DYTN: variants seen among roughly 807,000 people sequenced by gnomAD.
DYTN encodes dystrotelin.
A neutral mutation model predicts 69.6 loss-of-function variants in DYTN; 75 were observed. The observed-to-expected ratio is 1.08, with a 90% confidence interval of 0.89 to 1.31. DYTN has a LOEUF of 1.31. Ranked by LOEUF, DYTN falls within the 50% of genes most tolerant of loss-of-function variation. DYTN has a pLI of 0.00. For synonymous variants in DYTN, 252 were observed against 249.1 expected (o/e 1.01, Z -0.11); for missense variants, 726 against 688.4 (o/e 1.05, Z -0.61).
At chr2:206,699,307 C>T (rs1181507184) in intron 7 of DYTN, among the ~76,000 whole-genome samples, 1 of 152,118 alleles carries the variant, frequency 6.6e-6, no homozygotes, top group Non-Finnish European at 1.5e-5. Context: ...GTGGCATGTG[C>T]CTGTACCCCC....
At chr2:206,698,274 T>G (rs894030331) in intron 7 of DYTN, among the ~76,000 whole-genome samples, 2 of 152,218 alleles carry the variant, frequency 1.3e-5, no homozygotes, top group East Asian at 3.8e-4. Flanking sequence ...GAAGTTTCAC[T>G]GTGTCCTGCA....
At chr2:206,699,245 G>A (rs1699950962) in intron 7 of DYTN, among the ~76,000 whole-genome samples, 1 of 152,124 alleles carries the variant, frequency 6.6e-6, no homozygotes, top group African/African-American at 2.4e-5. Context: ...ACCAGTGTGG[G>A]CAACACAATA....
intron 5 of DYTN, 38 bp from the exon 6 acceptor site, chr2:206,700,254 G>A (rs767963733): frequency 6.2e-7 from 1 of 1,610,446 alleles, no homozygotes; most frequent in Non-Finnish European, 8.5e-7. Context: ...TTAGAAAGTG[G>A]AGAAATATGT....
intron 5 of DYTN, chr2:206,700,989 ATTTTCT>A (rs1380930123): frequency 2.0e-5 from 3 of 152,016 alleles, no homozygotes; most frequent in Non-Finnish European, 4.4e-5. Flanking sequence ...TATGTGCCAC[ATTTTCT>A]TTATCTAGTC....
Position 206,705,878 on chromosome 2 carries a change from A to G in DYTN, c.297-5T>C. 6.2e-7 allele frequency: 1 copy of G among 1,613,456 alleles called. No homozygotes were observed. The highest frequency in any genetic ancestry group is 1.1e-5 in the South Asian group (1 of 90,868). ...TGGAGAAAACCTGTTCCTTTGCTGC[A>G]CAGTAACAAAATACAGAGACAAGAA... On this transcript the variant is annotated splice_polypyrimidine_tract_variant and splice_region_variant and intron_variant, in intron 3 of 11. Transcript: ENST00000452335.
At chr2:206,711,513 T>G (rs1348101135) in intron 1 of DYTN, among the ~76,000 whole-genome samples, 1 of 152,200 alleles carries the variant, frequency 6.6e-6, no homozygotes, top group Non-Finnish European at 1.5e-5. Flanking sequence ...AATAAGAAAA[T>G]GTAGGCAATA....
At chr2:206,651,950 AG>A (rs769193114) in intron 11 of DYTN, 29 bp from the exon 12 acceptor site, 605 of 1,588,022 alleles carry the variant, frequency 3.8e-4, no homozygotes, top group Non-Finnish European at 4.9e-4. Flanking sequence ...AGAGTCATTT[AG>A]AGAAACATAC....
At chr2:206,662,695 T>C (rs1039412265) in intron 11 of DYTN, among the ~76,000 whole-genome samples, 1 of 151,438 alleles carries the variant, frequency 6.6e-6, no homozygotes, top group South Asian at 2.1e-4. Flanking sequence ...AAGTCTTACA[T>C]GGTTTATCAC....
In DYTN at chr2:206,662,944, A is replaced by G; in HGVS notation, c.1592T>C (p.Leu531Ser). 1 of 1,613,662 alleles carries G rather than the reference A, an allele frequency of 6.2e-7. No homozygotes were observed. The highest frequency in any genetic ancestry group is 1.1e-5 in the South Asian group (1 of 91,032). Residue 531 changes from leucine (L) to serine (S), a missense_variant, in exon 11 of 12, where the codon TTG becomes TCG. Leu to Ser is a moderately radical substitution (Grantham distance 145, BLOSUM62 -2). Transcript: ENST00000452335. ...ATTGAAGGCATCCATAAGTTTTGAC[A>G]ATAGTTCTTGCAGTTCCTCTTCCTC... ...ELEEEELQEL[L>S]SKLMDAFNLE... is the part of the protein sequence containing the mutation.
chr2:206,717,078 A>AC (rs572773145), intron 1 of DYTN, among the ~76,000 whole-genome samples: 23,404 of 146,984 alleles, frequency 0.16, 1,951 homozygotes, highest in South Asian at 0.27. Context: ...ACACACACAC[A>AC]AAACAAACTC....
rs1308451389 is a variant in DYTN at position 206,711,575 on chromosome 2, T to G, written c.20-977A>C. ...TTCTTTTTTTTGTTGTTGTTTTTTGTTTTTTTTACTTTTCTTTTTTTTATT... is the reference window on the plus strand; with the variant it reads ...TTCTTTTTTTTGTTGTTGTTTTTTGGTTTTTTTACTTTTCTTTTTTTTATT... On this transcript the variant is annotated intron_variant, in intron 1 of 11. Transcript: ENST00000452335. 4.0e-5 allele frequency among the ~76,000 whole-genome samples: 6 copies of G among 151,882 alleles called. No individual in the cohort carries two copies. In the East Asian group the frequency reaches 5.8e-4, roughly 15 times the overall value.
chr2:206,689,879 T>TTCAG (rs112941171), intron 9 of DYTN, among the ~76,000 whole-genome samples: 1 of 152,168 alleles, frequency 6.6e-6, no homozygotes, highest in Non-Finnish European at 1.5e-5. Flanking sequence ...CATTCATTCA[T>TTCAG]TCAGTCAGTC....
intron 7 of DYTN, among the ~76,000 whole-genome samples, chr2:206,698,637 A>G (rs1699945307): frequency 6.6e-6 from 1 of 152,182 alleles, no homozygotes; most frequent in Non-Finnish European, 1.5e-5. Context: ...CCAAGCTTTA[A>G]TGATAACTCC....
At chr2:206,706,914 A>C (rs925033512) in intron 3 of DYTN, among the ~76,000 whole-genome samples, 3 of 152,066 alleles carry the variant, frequency 2.0e-5, no homozygotes, top group African/African-American at 7.2e-5. Flanking sequence ...AAAAAAAAAA[A>C]AACAATTGAT....
chr2:206,662,026 G>C (rs1318227490), intron 11 of DYTN, among the ~76,000 whole-genome samples: 1 of 152,244 alleles, frequency 6.6e-6, no homozygotes, highest in East Asian at 1.9e-4. Context: ...AAGTAGGGCA[G>C]CAGCAGTGAG....
chr2:206,654,871 C>G (rs1403070813), intron 11 of DYTN, among the ~76,000 whole-genome samples: 1 of 152,124 alleles, frequency 6.6e-6, no homozygotes, highest in Admixed American at 6.5e-5. Flanking sequence ...CCTCCTGCTC[C>G]CCACCCTTAA....
At chr2:206,665,463 TTTCA>T (rs1699559692) in intron 10 of DYTN, among the ~76,000 whole-genome samples, 2 of 151,616 alleles carry the variant, frequency 1.3e-5, no homozygotes, top group African/African-American at 2.4e-5. Context: ...TTAATTTAAT[TTTCA>T]TTCATTCATT....
intron 9 of DYTN, among the ~76,000 whole-genome samples, chr2:206,692,588 C>G (rs1425371618): frequency 1.3e-5 from 2 of 152,016 alleles, no homozygotes; most frequent in African/African-American, 4.8e-5. Context: ...TGGGGGGCAA[C>G]ATTTGGAAAT....
intron 9 of DYTN, among the ~76,000 whole-genome samples, chr2:206,666,806 C>T (rs1272523881): frequency 1.4e-5 from 2 of 138,438 alleles, no homozygotes; most frequent in African/African-American, 5.4e-5. Context: ...TTGGGGTATC[C>T]CTTGAGGCCA....
Sources: allele counts gnomAD v4.1 joint callset (sites outside exome capture counted in the v4.1 genomes callset), GRCh38; gene constraint gnomAD v4.1.1; transcripts MANE v1.5; gene names NCBI Gene and HGNC (gene_info 2026-07-23, HGNC 2026-07-21).